CACNA2D2: variants seen among roughly 807,000 people sequenced by gnomAD.
CACNA2D2 encodes the protein voltage-dependent calcium channel subunit alpha-2/delta-2.
A neutral mutation model predicts 166.4 loss-of-function variants in CACNA2D2; 48 were observed. That is an observed-to-expected ratio of 0.29 (90% CI 0.23 to 0.37). CACNA2D2 has a LOEUF of 0.37. Among genes scored for constraint, CACNA2D2 ranks in the 10% least tolerant of loss-of-function variants. The pLI, the probability that CACNA2D2 is intolerant of heterozygous loss-of-function variation, is 1.00. For missense variants in CACNA2D2, 1,122 were observed against 1,433.0 expected (o/e 0.78, Z 3.50); for synonymous variants, 561 against 573.7 (o/e 0.98, Z 0.32).
In CACNA2D2 at chr3:50,365,267, C is replaced by G. The variant is rs1360719747; in HGVS notation, c.3099-83G>C. On this transcript the variant is annotated intron_variant, in intron 35 of 37. Transcript: ENST00000424201. This position sits in a 1 kb window ranked among gnomAD's most constrained non-coding sequence, Gnocchi z 4.5. ...TCCTGCGGCCCCGCCCCCGGCCGCT[C>G]GGAGGCCCCGCCCCTTCCATCCTCC... is the stretch of plus-strand genomic sequence containing the variant. The G allele has an allele frequency of 1.3e-6, 2 of 1,567,632 alleles. No individual in the cohort carries two copies. Among genetic ancestry groups the G allele is most frequent in the Non-Finnish European group, 1.7e-6 (2 of 1,156,756 alleles).
intron 2 of CACNA2D2, among the ~76,000 whole-genome samples, chr3:50,437,856 C>T (rs1708418559): frequency 6.6e-6 from 1 of 152,176 alleles, no homozygotes; most frequent in Admixed American, 6.5e-5. Flanking sequence ...GATGCAGAGC[C>T]TCAACCACCA....
chr3:50,386,751 G>T (rs2236953), intron 5 of CACNA2D2, among the ~76,000 whole-genome samples: 20,532 of 152,218 alleles, frequency 0.13, 2,299 homozygotes, highest in East Asian at 0.43. Context: ...TGGGTCCTCT[G>T]AATCAGCCAG....
chr3:50,406,809 T>C (rs1706736518), intron 3 of CACNA2D2, among the ~76,000 whole-genome samples: 1 of 151,818 alleles, frequency 6.6e-6, no homozygotes, highest in Non-Finnish European at 1.5e-5. Context: ...CCTCTGCTAG[T>C]GCTCATGTCT....
Position 50,362,831 on chromosome 3 carries a change from C to A in CACNA2D2, c.*1835G>T, listed in dbSNP as rs1237143723. 2 of 287,306 alleles carry A rather than the reference C, an allele frequency of 7.0e-6. No individual in the cohort carries two copies. The highest frequency in any genetic ancestry group is 5.9e-5 in the East Asian group (1 of 16,974). 17.8% of individuals were successfully genotyped at this position (287,306 alleles called of 1,614,324 possible). A position where few individuals can be genotyped will look rare whatever the true frequency, so the allele number is the denominator to read the frequency against. ...TGAAAATATGAACATTATTTAATAA[C>A]TGATCTTCTGTAATAAACCATTTGA... On this transcript the variant is annotated 3_prime_UTR_variant, in exon 38 of 38. Coordinates refer to ENST00000424201, the MANE Select transcript of CACNA2D2 (RefSeq NM_006030.4).
At chr3:50,388,003 C>T (rs1023217982) in intron 4 of CACNA2D2, among the ~76,000 whole-genome samples, 4 of 152,170 alleles carry the variant, frequency 2.6e-5, no homozygotes, top group South Asian at 2.1e-4. Flanking sequence ...GACTCGACGC[C>T]GCATCTTCCA....
chr3:50,413,654 C>G (rs1707133182), intron 3 of CACNA2D2, among the ~76,000 whole-genome samples: 1 of 152,138 alleles, frequency 6.6e-6, no homozygotes, highest in Admixed American at 6.5e-5. Context: ...CGAGACCAGA[C>G]TGGCCAACAT....
chr3:50,412,222 C>A (rs1407934286), intron 3 of CACNA2D2, among the ~76,000 whole-genome samples: 5 of 152,216 alleles, frequency 3.3e-5, no homozygotes, highest in Non-Finnish European at 7.3e-5. Flanking sequence ...GGGAATCAAC[C>A]AAATTAAGCT....
At chr3:50,374,604 G>T in intron 22 of CACNA2D2, 133 bp downstream of exon 22, 3 of 893,460 alleles carry the variant, frequency 3.4e-6, no homozygotes, top group Non-Finnish European at 5.2e-6. Context: ...CAGCCTGCGG[G>T]CACCTGAGGG....
intron 2 of CACNA2D2, among the ~76,000 whole-genome samples, chr3:50,451,428 G>A (rs1310675873): frequency 1.3e-5 from 2 of 152,120 alleles, no homozygotes; most frequent in Non-Finnish European, 2.9e-5. Flanking sequence ...GCACGGCCCA[G>A]GGGCTGTTTT....
chr3:50,366,787 G>A lies in CACNA2D2; in HGVS notation c.2589+44C>T. On this transcript the variant is annotated intron_variant, in intron 29 of 37. Transcript: ENST00000424201. The surrounding 1 kb of genome is among the most constrained non-coding windows in gnomAD (Gnocchi z 5.9). Reference sequence around the variant, plus strand: ...TTGGTGGGGGTTCCAGGGGACTCCAGGAAGGGCACTGCTGGGTTACTGCCC... The same window carrying A: ...TTGGTGGGGGTTCCAGGGGACTCCAAGAAGGGCACTGCTGGGTTACTGCCC... 1 of 1,594,644 alleles carries A rather than the reference G, an allele frequency of 6.3e-7. No homozygotes were observed. Among genetic ancestry groups the A allele is most frequent in the Non-Finnish European group, 8.6e-7 (1 of 1,165,730 alleles).
intron 2 of CACNA2D2, among the ~76,000 whole-genome samples, chr3:50,449,238 C>T (rs893357455): frequency 7.9e-5 from 12 of 152,200 alleles, no homozygotes; most frequent in African/African-American, 2.7e-4. Flanking sequence ...CAGCCCCCCA[C>T]CCCTGTGATC....
intron 1 of CACNA2D2, among the ~76,000 whole-genome samples, chr3:50,477,581 C>T (rs73835506): frequency 0.012 from 1,808 of 152,306 alleles, 32 homozygotes; most frequent in African/African-American, 0.042. Context: ...GCTCTTTGCC[C>T]TCATGCATTT....
intron 3 of CACNA2D2, among the ~76,000 whole-genome samples, chr3:50,410,489 G>GC (rs984055394): frequency 2.0e-5 from 3 of 151,980 alleles, no homozygotes; most frequent in African/African-American, 4.8e-5. Flanking sequence ...ATGGGGGGGG[G>GC]GGTGTTGTCT....
Position 50,365,700 on chromosome 3 carries a change from G to C in CACNA2D2, c.2916-12C>G. On this transcript the variant is annotated splice_polypyrimidine_tract_variant and intron_variant, in intron 33 of 37. Transcript: ENST00000424201. This position sits in a 1 kb window ranked among gnomAD's most constrained non-coding sequence, Gnocchi z 4.5. ...GCTGGAACAGGGACCTGCAGCGCACGGGGAGCCGAGTGCAGGTGGTCAGCA... is the reference window on the plus strand; with the variant it reads ...GCTGGAACAGGGACCTGCAGCGCACCGGGAGCCGAGTGCAGGTGGTCAGCA... 2 of 1,592,216 alleles carry C rather than the reference G, an allele frequency of 1.3e-6. No homozygotes were observed. Among genetic ancestry groups the C allele is most frequent in the South Asian group, 1.1e-5 (1 of 88,232 alleles).
chr3:50,468,957 T>C (rs1334389341), intron 2 of CACNA2D2, among the ~76,000 whole-genome samples: 1 of 151,862 alleles, frequency 6.6e-6, no homozygotes, highest in African/African-American at 2.4e-5. Context: ...GCATCCCAAG[T>C]AGCTGGGATT....
intron 1 of CACNA2D2, among the ~76,000 whole-genome samples, chr3:50,476,826 GA>G (rs1697797567): frequency 6.6e-6 from 1 of 152,242 alleles, no homozygotes; most frequent in South Asian, 2.1e-4. Context: ...ACCCACTCAG[GA>G]GTCCACTGCA....
Position 50,428,089 on chromosome 3 carries a change from G to A in CACNA2D2, c.405+6224C>T, listed in dbSNP as rs555239200. The stretch of plus-strand genomic sequence containing the variant: ...GCTCTCATGGCTGCATCTCTGTCCC[G>A]TTAGGCCAGTGGTTCTCAACTGGGG... On this transcript the variant is annotated intron_variant, in intron 3 of 37. Coordinates refer to ENST00000424201, the MANE Select transcript of CACNA2D2 (RefSeq NM_006030.4). 1.1e-4 allele frequency among the ~76,000 whole-genome samples: 16 copies of A among 152,218 alleles called. No homozygotes were observed. The South Asian group carries it at 1.2e-3, about 12-fold the overall frequency.
At chr3:50,433,362 TG>T (rs1708158570) in intron 3 of CACNA2D2, among the ~76,000 whole-genome samples, 1 of 151,916 alleles carries the variant, frequency 6.6e-6, no homozygotes. Context: ...TTTTGTTGTT[TG>T]TTTTTTTTTT....
chr3:50,488,143 A>G (rs997828513), intron 1 of CACNA2D2, among the ~76,000 whole-genome samples: 5 of 152,200 alleles, frequency 3.3e-5, no homozygotes, highest in African/African-American at 1.2e-4. Context: ...GGAGGGCACA[A>G]CATATGCAAG....
Sources: gnomAD v4.1 joint callset for allele counts (sites outside exome capture counted in the v4.1 genomes callset) on GRCh38, gnomAD v4.1.1 for gene constraint, Gnocchi (gnomAD v3.1) non-coding constraint, MANE v1.5 for transcripts, NCBI Gene and HGNC (gene_info 2026-07-23, HGNC 2026-07-21) for gene names.